The following SNED1 variants were observed in gnomAD, a reference collection of about 807,000 sequenced individuals.
SNED1 encodes the protein sushi, nidogen and EGF like domains 1.
In SNED1, 81 loss-of-function variants were observed where a neutral mutation model predicts 166.7. That is an observed-to-expected ratio of 0.49 (90% CI 0.41 to 0.58). SNED1 has a LOEUF of 0.58. Ranked by LOEUF, SNED1 falls within the 20% of genes least tolerant of loss-of-function variation. The pLI, the probability that SNED1 is intolerant of heterozygous loss-of-function variation, is 0.00. For missense variants in SNED1, 1,604 were observed against 2,000.2 expected (o/e 0.80, Z 3.78); for synonymous variants, 762 against 822.0 (o/e 0.93, Z 1.25).
chr2:241,003,017 CCCT>C (rs1223719881), intron 1 of SNED1, among the ~76,000 whole-genome samples: 32 of 152,036 alleles, frequency 2.1e-4, no homozygotes, highest in Non-Finnish European at 2.9e-5. Flanking sequence ...CTCCAGCCTG[CCCT>C]CCTCTGTGCA....
intron 1 of SNED1, among the ~76,000 whole-genome samples, chr2:241,021,117 C>T (rs1209557438): frequency 2.0e-5 from 3 of 152,180 alleles, no homozygotes; most frequent in African/African-American, 7.2e-5. Context: ...GGGGGCTCAG[C>T]ACAGCTGTCC....
At chr2:241,090,288 G>A in intron 31 of SNED1, 2 of 1,547,358 alleles carry the variant, frequency 1.3e-6, no homozygotes, top group Non-Finnish European at 8.7e-7. Flanking sequence ...ACAGGGGCAG[G>A]ATCATCCATG....
chr2:241,053,734 G>A (rs2061952667), intron 16 of SNED1, among the ~76,000 whole-genome samples: 1 of 152,160 alleles, frequency 6.6e-6, no homozygotes, highest in African/African-American at 2.4e-5. Context: ...CCTTCCCCCT[G>A]CAGGCATTTG....
chr2:241,036,316 G>A (rs2061367205), intron 4 of SNED1, among the ~76,000 whole-genome samples: 1 of 151,660 alleles, frequency 6.6e-6, no homozygotes, highest in Non-Finnish European at 1.5e-5. Flanking sequence ...GGGGCGGGGA[G>A]CCCAGAGCGG....
chr2:241,081,768 G>C lies in SNED1; in HGVS notation c.4008G>C (p.Gly1336=), dbSNP rs201278542. ...CCCACAGCTGTGACTGCGGGCCAGG[G>C]TTCAAAGGCAGACGCTGCGAGCTCG... ...ADAHSCDCGP[G]FKGRRCELAC... Residue 1336 remains glycine (G), a synonymous_variant, in exon 28 of 32, where the codon GGG becomes GGC. Coordinates refer to ENST00000310397, the MANE Select transcript of SNED1 (RefSeq NM_001080437.3). 6.3e-7 allele frequency: 1 copy of C among 1,599,272 alleles called. No homozygotes were observed. Among genetic ancestry groups the C allele is most frequent in the Non-Finnish European group, 8.5e-7 (1 of 1,172,982 alleles).
chr2:241,059,987 T>C (rs890303998), intron 16 of SNED1, among the ~76,000 whole-genome samples: 5 of 152,146 alleles, frequency 3.3e-5, no homozygotes, highest in African/African-American at 1.2e-4. Flanking sequence ...TAGAAAATCC[T>C]AAGGAAATTC....
chr2:241,028,617 G>T (rs754920957), intron 1 of SNED1, among the ~76,000 whole-genome samples: 3 of 152,150 alleles, frequency 2.0e-5, no homozygotes, highest in Admixed American at 6.5e-5. Flanking sequence ...GCTTATTTCT[G>T]GGTTCTGTTT....
chr2:241,072,957 G>T (rs970664345), intron 26 of SNED1: 1 of 417,728 alleles, frequency 2.4e-6, no homozygotes, highest in Non-Finnish European at 4.3e-6. Flanking sequence ...ACCCTAAGAA[G>T]AAAGCAACCG....
intron 26 of SNED1, chr2:241,072,089 C>T (rs1023677909): frequency 4.1e-5 from 29 of 700,840 alleles, no homozygotes; most frequent in Non-Finnish European, 6.8e-5. Context: ...CTCGTGAGGG[C>T]CTCACGTCAG....
At position 241,052,177 on chromosome 2, in the gene SNED1, AGGCCAGGGC is replaced by A. The variant is rs780823660; in HGVS notation, c.1969+29_1969+37del. ...AGATAGGTAAGGTGGGTGGGAGGCCAGGCCAGGGCGGCCAGGGGTGAACCCTCTCTGCAG... is the reference window on the plus strand; with the variant it reads ...AGATAGGTAAGGTGGGTGGGAGGCCAGGCCAGGGGTGAACCCTCTCTGCAG... On this transcript the variant is annotated intron_variant, in intron 14 of 31. Transcript: ENST00000310397. 1 of 1,599,286 alleles carries A rather than the reference AGGCCAGGGC, an allele frequency of 6.3e-7. No homozygotes were observed. Among genetic ancestry groups the A allele is most frequent in the South Asian group, 1.1e-5 (1 of 90,776 alleles).
intron 1 of SNED1, among the ~76,000 whole-genome samples, chr2:241,008,170 G>A (rs933215119): frequency 4.6e-5 from 7 of 152,250 alleles, no homozygotes; most frequent in African/African-American, 1.4e-4. Flanking sequence ...CCACCTGGGG[G>A]CGTGGCAGGA....
intron 1 of SNED1, among the ~76,000 whole-genome samples, chr2:241,006,775 A>G (rs2060232516): frequency 6.6e-6 from 1 of 152,200 alleles, no homozygotes; most frequent in Non-Finnish European, 1.5e-5. Flanking sequence ...CCATGCTCAG[A>G]TCTTGGCTGC....
chr2:241,036,412 T>C (rs1445934046), intron 4 of SNED1, among the ~76,000 whole-genome samples: 3 of 152,052 alleles, frequency 2.0e-5, no homozygotes, highest in Non-Finnish European at 4.4e-5. Flanking sequence ...AACGCTGACA[T>C]GACGGCTGAG....
At chr2:241,087,340 G>T (rs2063635384) in intron 29 of SNED1, 52 bp from the exon 30 acceptor site, 5 of 1,531,348 alleles carry the variant, frequency 3.3e-6, no homozygotes, top group Non-Finnish European at 4.4e-6. Context: ...TTAAGCAGTT[G>T]GCAACATTTT....
intron 8 of SNED1, chr2:241,041,328 C>A (rs1191673133): frequency 6.4e-6 from 1 of 157,196 alleles, no homozygotes; most frequent in East Asian, 1.9e-4. Context: ...TAAGTGGTTT[C>A]AAAAATTTTT....
rs898501734 is a variant in SNED1 at position 241,033,666 on chromosome 2, G to T, written c.502-69G>T. On this transcript the variant is annotated intron_variant, in intron 2 of 31. Transcript: ENST00000310397. Reference sequence around the variant, plus strand: ...TGGACAATGACAGTGCACCAGGATGGTGGACAGGGCAGGGCTTCCCTGGGC... The same window carrying T: ...TGGACAATGACAGTGCACCAGGATGTTGGACAGGGCAGGGCTTCCCTGGGC... The T allele has an allele frequency of 2.0e-6, 3 of 1,509,348 alleles. No homozygotes were observed. The African/African-American group carries it at 4.2e-5, about 21-fold the overall frequency. The allele number at this position is 1,509,348 out of a possible 1,614,324, so 93.5% of individuals were successfully genotyped here.
chr2:241,018,521 G>A lies in SNED1; in HGVS notation c.214-11763G>A, dbSNP rs2124888689. On this transcript the variant is annotated intron_variant, in intron 1 of 31. Transcript: ENST00000310397. The surrounding 1 kb of genome is among the most constrained non-coding windows in gnomAD (Gnocchi z 5.4). ...TAAGGTGGTCCCTGGTCAGGAGCCG[G>A]GACTGGCGTTCTCTCTCTTCAGCCA... 6.6e-6 allele frequency among the ~76,000 whole-genome samples: 1 copy of A among 152,260 alleles called. No individual in the cohort carries two copies. The highest frequency in any genetic ancestry group is 2.4e-5 in the African/African-American group (1 of 41,556).
chr2:241,059,235 C>T (rs1212985291), intron 16 of SNED1, among the ~76,000 whole-genome samples: 1 of 152,214 alleles, frequency 6.6e-6, no homozygotes, highest in Non-Finnish European at 1.5e-5. Context: ...ATCTGTTACA[C>T]TTAATTTGTA....
At chr2:241,061,084 A>G (rs901100937) in intron 16 of SNED1, among the ~76,000 whole-genome samples, 1 of 152,232 alleles carries the variant, frequency 6.6e-6, no homozygotes, top group East Asian at 1.9e-4. Context: ...TAGAACCTAA[A>G]TCCATAAACC....
Sources: allele counts gnomAD v4.1 joint callset (sites outside exome capture counted in the v4.1 genomes callset), GRCh38; gene constraint gnomAD v4.1.1; non-coding constraint Gnocchi (gnomAD v3.1); transcripts MANE v1.5; gene names NCBI Gene and HGNC (gene_info 2026-07-23, HGNC 2026-07-21).